Variants in TRPM3 observed in about 807,000 individuals in gnomAD.
TRPM3 encodes transient receptor potential cation channel subfamily M member 3.
In TRPM3, 77 loss-of-function variants were observed where a neutral mutation model predicts 181.2. The ratio of observed to expected loss-of-function variants is 0.42; its 90% CI spans 0.35 to 0.51. The LOEUF (loss-of-function observed/expected upper bound fraction) is 0.51. Among genes scored for constraint, TRPM3 ranks in the 20% least tolerant of loss-of-function variants. The pLI is 0.01. For synonymous variants in TRPM3, 745 were observed against 796.4 expected, an observed-to-expected ratio of 0.94 and a Z score of 1.09; for missense variants, 1,759 against 2,196.7, an observed-to-expected ratio of 0.80 and a Z score of 3.98.
chr9:70,649,854 T>C (rs941842195), intron 9 of TRPM3, among the ~76,000 whole-genome samples: 1 of 152,198 alleles, frequency 6.6e-6, no homozygotes, highest in Non-Finnish European at 1.5e-5. Context: ...TAAAGACACA[T>C]GCACATGAAT....
chr9:70,553,399 A>G (rs1588282165), intron 22 of TRPM3, 89 bp from the exon 23 acceptor site: 3 of 1,480,978 alleles, frequency 2.0e-6, no homozygotes, highest in South Asian at 1.3e-5. Flanking sequence ...AGGGTTTTAG[A>G]TGGAAGAAAT....
chr9:71,418,991 ATGT>A (rs989630661), intron 1 of TRPM3, among the ~76,000 whole-genome samples: 2 of 150,356 alleles, frequency 1.3e-5, no homozygotes, highest in Admixed American at 6.7e-5. Context: ...CAACCAACAA[ATGT>A]TGTTTCATTA....
chr9:70,872,838 T>C (rs1004581585), intron 1 of TRPM3, among the ~76,000 whole-genome samples: 2 of 151,990 alleles, frequency 1.3e-5, no homozygotes, highest in Non-Finnish European at 2.9e-5. Flanking sequence ...TCCTTGCACA[T>C]TAATTCTTCA....
At chr9:70,814,060 C>T (rs929732983) in intron 6 of TRPM3, among the ~76,000 whole-genome samples, 2 of 152,152 alleles carry the variant, frequency 1.3e-5, no homozygotes, top group African/African-American at 4.8e-5. Context: ...AAAGTACTGT[C>T]AAGAGAAGAT....
intron 14 of TRPM3, among the ~76,000 whole-genome samples, chr9:70,624,585 A>G (rs2133269826): frequency 6.6e-6 from 1 of 152,358 alleles, no homozygotes; most frequent in South Asian, 2.1e-4. Flanking sequence ...AATTATATGT[A>G]AAGAGGGTTA....
chr9:70,897,568 C>T (rs1336574778), intron 1 of TRPM3, among the ~76,000 whole-genome samples: 1 of 151,988 alleles, frequency 6.6e-6, no homozygotes, highest in Non-Finnish European at 1.5e-5. Flanking sequence ...TGTAACAGCC[C>T]GCAAGGTCTA....
intron 1 of TRPM3, among the ~76,000 whole-genome samples, chr9:71,044,828 C>T (rs1324834537): frequency 1.3e-5 from 2 of 151,524 alleles, no homozygotes; most frequent in African/African-American, 4.8e-5. Flanking sequence ...CCAGCCACCA[C>T]GCCCGGCTAA....
chr9:71,100,350 A>C (rs2068118617), intron 1 of TRPM3, among the ~76,000 whole-genome samples: 1 of 152,132 alleles, frequency 6.6e-6, no homozygotes, highest in South Asian at 2.1e-4. Flanking sequence ...CCATTGAAAA[A>C]TTAGAAGTAA....
intron 22 of TRPM3, among the ~76,000 whole-genome samples, chr9:70,564,550 A>T (rs942352264): frequency 1.3e-5 from 2 of 152,164 alleles, no homozygotes; most frequent in Non-Finnish European, 2.9e-5. Context: ...GCCCATGCAT[A>T]TTTAGGGTAT....
chr9:70,910,976 G>A (rs1253081820), intron 1 of TRPM3, among the ~76,000 whole-genome samples: 1 of 152,274 alleles, frequency 6.6e-6, no homozygotes, highest in Middle Eastern at 3.4e-3. Context: ...CTATCAAAGT[G>A]TGTATCAGAA....
At chr9:71,391,652 A>C (rs1418709764) in intron 1 of TRPM3, among the ~76,000 whole-genome samples, 1 of 152,112 alleles carries the variant, frequency 6.6e-6, no homozygotes, top group African/African-American at 2.4e-5. Context: ...GGAGTTTTAT[A>C]AATTTGCAAG....
chr9:70,891,386 A>C (rs1159346296), intron 1 of TRPM3, among the ~76,000 whole-genome samples: 2 of 152,230 alleles, frequency 1.3e-5, no homozygotes, highest in African/African-American at 4.8e-5. Flanking sequence ...TCAAACATGC[A>C]AAATGAAAAA....
intron 1 of TRPM3, among the ~76,000 whole-genome samples, chr9:71,268,302 C>A (rs990657064): frequency 6.6e-5 from 10 of 152,032 alleles, no homozygotes; most frequent in African/African-American, 2.4e-4. Flanking sequence ...ATCACTTGAA[C>A]CCAGGAGGCA....
At position 70,589,947 on chromosome 9, in the gene TRPM3, G is replaced by C. The variant is rs142006899; in HGVS notation, c.3223+1084C>G. On this transcript the variant is annotated intron_variant, in intron 22 of 25. Transcript: ENST00000677713. ...GTCCTACCGGGGATGGGCAGTGGGA[G>C]TGGGGATGCTAACTAGTCTCTGCTC... 6.9e-4 allele frequency among the ~76,000 whole-genome samples: 105 copies of C among 152,302 alleles called. 1 individual carries two copies. The highest frequency in any genetic ancestry group is 2.1e-3 in the African/African-American group (89 of 41,546).
At chr9:70,937,635 C>A (rs898238960) in intron 1 of TRPM3, among the ~76,000 whole-genome samples, 2 of 152,100 alleles carry the variant, frequency 1.3e-5, no homozygotes, top group African/African-American at 4.8e-5. Flanking sequence ...ATTTCATTGA[C>A]TCTTTTGTGT....
intron 11 of TRPM3, among the ~76,000 whole-genome samples, chr9:70,636,302 A>G (rs1357554866): frequency 6.6e-6 from 1 of 151,910 alleles, no homozygotes; most frequent in Non-Finnish European, 1.5e-5. Flanking sequence ...AAAAAAAAAA[A>G]TCTTAGCTTG....
chr9:71,118,368 T>C (rs1423081136), intron 1 of TRPM3, among the ~76,000 whole-genome samples: 2 of 152,336 alleles, frequency 1.3e-5, no homozygotes, highest in South Asian at 2.1e-4. Context: ...TAATTCATAC[T>C]TCAGATATCG....
At chr9:70,981,916 G>A (rs1040879043) in intron 1 of TRPM3, among the ~76,000 whole-genome samples, 2 of 152,116 alleles carry the variant, frequency 1.3e-5, no homozygotes, top group African/African-American at 4.8e-5. Flanking sequence ...AACACTAACA[G>A]TGTTCTTAGG....
At chr9:71,142,533 T>G (rs2075169176) in intron 1 of TRPM3, among the ~76,000 whole-genome samples, 1 of 152,076 alleles carries the variant, frequency 6.6e-6, no homozygotes, top group Non-Finnish European at 1.5e-5. Flanking sequence ...TATACACTTA[T>G]ACACACATAC....
Sources: allele counts gnomAD v4.1 joint callset (sites outside exome capture counted in the v4.1 genomes callset), GRCh38; gene constraint gnomAD v4.1.1; transcripts MANE v1.5; gene names NCBI Gene and HGNC (gene_info 2026-07-23, HGNC 2026-07-21).